Variants in USP28 observed in about 807,000 individuals in gnomAD.
USP28 encodes ubiquitin specific peptidase 28.
Under a neutral mutation model 145.0 loss-of-function variants are expected in USP28, and 113 were observed. That is an observed-to-expected ratio of 0.78 (90% CI 0.67 to 0.91). USP28 has a LOEUF of 0.91. Among genes scored for constraint, USP28 ranks in the 40% least tolerant of loss-of-function variants. The pLI is 0.00. For synonymous variants in USP28, 447 were observed against 450.9 expected (o/e 0.99, Z 0.11); for missense variants, 1,201 against 1,289.6 (o/e 0.93, Z 1.05).
At position 113,851,217 on chromosome 11, in the gene USP28, G is replaced by C. The variant is rs1300851389; in HGVS notation, c.268+1284C>G. On this transcript the variant is annotated intron_variant, in intron 3 of 24. Coordinates refer to ENST00000003302, the Ensembl canonical transcript of USP28. ...GTCACTACCTCCTCCCCCACATTCT[G>C]TTCTCAACACCACAGTCAGAGTGAT... 2.0e-5 allele frequency among the ~76,000 whole-genome samples: 3 copies of C among 152,060 alleles called. No homozygotes were observed. The East Asian group carries it at 5.8e-4, about 29-fold the overall frequency.
At chr11:113,827,335 A>G in exon 11 of USP28, 1 of 1,606,214 alleles carries the variant, frequency 6.2e-7, no homozygotes, top group South Asian at 1.1e-5. Context: ...AAAGGTCAAC[A>G]CTGGAGGTAG....
chr11:113,823,028 G>A (rs1343039507), intron 12 of USP28, among the ~76,000 whole-genome samples: 2 of 152,106 alleles, frequency 1.3e-5, no homozygotes, highest in Admixed American at 6.5e-5. Flanking sequence ...CAAAATCAAC[G>A]GGATCTATCT....
At position 113,827,219 on chromosome 11, in the gene USP28, A is replaced by G; in HGVS notation, c.1187+14T>C. 2 of 1,584,906 alleles carry G rather than the reference A, an allele frequency of 1.3e-6. No homozygotes were observed. Among genetic ancestry groups the G allele is most frequent in the Non-Finnish European group, 1.7e-6 (2 of 1,171,878 alleles). ...TAATACCTCAGGAAAAAAAAAAATC[A>G]GCCAAGAACTCACCTGTCCATATAA... On this transcript the variant is annotated intron_variant, in intron 11 of 24. Transcript: ENST00000003302.
chr11:113,807,914 G>GACA, intron 18 of USP28, 37 bp downstream of exon 19: 1 of 999,240 alleles, frequency 1.0e-6, no homozygotes, highest in Non-Finnish European at 1.2e-6. Flanking sequence ...ATATAAGACT[G>GACA]ACAACAAACA....
At chr11:113,863,617 C>T (rs1047944237) in intron 1 of USP28, among the ~76,000 whole-genome samples, 2 of 143,964 alleles carry the variant, frequency 1.4e-5, no homozygotes, top group African/African-American at 5.2e-5. Flanking sequence ...TGCGCTCCAG[C>T]CTGGCAACAG....
At chr11:113,808,975 A>C in intron 17 of USP28, 88 bp downstream of exon 17, 3 of 1,283,910 alleles carry the variant, frequency 2.3e-6, no homozygotes, top group Non-Finnish European at 3.2e-6. Flanking sequence ...CTGTGGCATC[A>C]CCTAGCCAGC....
intron 14 of USP28, 71 bp from the exon 15 acceptor site, chr11:113,814,026 T>A: frequency 1.7e-6 from 2 of 1,153,190 alleles, no homozygotes; most frequent in Non-Finnish European, 2.5e-6. Flanking sequence ...CTACTTTAAC[T>A]AAGCAAAGAA....
chr11:113,855,960 G>A (rs550568316), intron 1 of USP28, among the ~76,000 whole-genome samples: 1 of 152,230 alleles, frequency 6.6e-6, no homozygotes, highest in Non-Finnish European at 1.5e-5. Flanking sequence ...CAGTCGTTCT[G>A]CTGTAGTCAG....
At chr11:113,849,919 ATGCTTTCAG>A (rs1217113657) in intron 3 of USP28, among the ~76,000 whole-genome samples, 2 of 152,170 alleles carry the variant, frequency 1.3e-5, no homozygotes, top group African/African-American at 4.8e-5. Context: ...GACCATGCAA[ATGCTTTCAG>A]TGCTAAAGAA....
At chr11:113,844,203 G>A (rs1212773384) in intron 3 of USP28, among the ~76,000 whole-genome samples, 1 of 152,122 alleles carries the variant, frequency 6.6e-6, no homozygotes, top group Admixed American at 6.5e-5. Context: ...CACTTTGGGA[G>A]GCCCAGACGG....
intron 1 of USP28, among the ~76,000 whole-genome samples, chr11:113,864,811 T>C (rs1031064447): frequency 9.2e-5 from 14 of 152,186 alleles, no homozygotes; most frequent in Non-Finnish European, 1.8e-4. Flanking sequence ...TCTGCATACA[T>C]ACCTCATGGC....
At chr11:113,808,127 C>A (rs1291693890) in intron 18 of USP28, 2 of 1,505,606 alleles carry the variant, frequency 1.3e-6, no homozygotes, top group Non-Finnish European at 8.8e-7. Context: ...TTGGGTTCAG[C>A]TTCTTTAAGC....
At chr11:113,818,531 TTTTC>T (rs1942108983) in intron 12 of USP28, among the ~76,000 whole-genome samples, 1 of 152,186 alleles carries the variant, frequency 6.6e-6, no homozygotes, top group Non-Finnish European at 1.5e-5. Flanking sequence ...CAAGAGATTT[TTTTC>T]TTTAAGAAAC....
In USP28 at chr11:113,830,956, A is replaced by G; in HGVS notation, c.834-13T>C. The G allele has an allele frequency of 6.2e-7, 1 of 1,613,782 alleles. No individual in the cohort carries two copies. The highest frequency in any genetic ancestry group is 8.5e-7 in the Non-Finnish European group (1 of 1,179,692). On this transcript the variant is annotated splice_polypyrimidine_tract_variant and intron_variant, in intron 8 of 24. Transcript: ENST00000003302. ...GTTCCTGGGACTGCTGCTTTTAGGAAAAGGAGACAATTCTGGATTGTTTGG... is the reference window on the plus strand; with the variant it reads ...GTTCCTGGGACTGCTGCTTTTAGGAGAAGGAGACAATTCTGGATTGTTTGG...
chr11:113,823,673 A>T (rs139709699), exon 12 of USP28: 2 of 1,612,070 alleles, frequency 1.2e-6, no homozygotes, highest in African/African-American at 2.7e-5. Context: ...TCTTATTTCG[A>T]ATAAGCTCCT....
chr11:113,803,754 A>G, intron 22 of USP28, 44 bp downstream of exon 23: 1 of 1,531,276 alleles, frequency 6.5e-7, no homozygotes, highest in Non-Finnish European at 9.0e-7. Flanking sequence ...TACAGAGAAC[A>G]GCATCCTGAC....
intron 14 of USP28, among the ~76,000 whole-genome samples, 189 bp downstream of exon 14, chr11:113,814,985 G>A (rs1300593031): frequency 1.3e-5 from 2 of 152,038 alleles, no homozygotes; most frequent in Non-Finnish European, 2.9e-5. Context: ...CCGGAAGGCG[G>A]AGGTTTCAGT....
At chr11:113,839,586 A>G (rs916248561) in intron 5 of USP28, among the ~76,000 whole-genome samples, 1 of 151,902 alleles carries the variant, frequency 6.6e-6, no homozygotes, top group Non-Finnish European at 1.5e-5. Flanking sequence ...ATAAAAATAA[A>G]TTTTAAAAAT....
At chr11:113,862,866 T>C (rs1232062279) in intron 1 of USP28, among the ~76,000 whole-genome samples, 10 of 151,924 alleles carry the variant, frequency 6.6e-5, no homozygotes, top group Non-Finnish European at 5.9e-5. Context: ...ATCAGAAAAC[T>C]AGGAATAAAA....
Sources: allele counts gnomAD v4.1 joint callset (sites outside exome capture counted in the v4.1 genomes callset), GRCh38; gene constraint gnomAD v4.1.1; transcripts MANE v1.5; gene names NCBI Gene and HGNC (gene_info 2026-07-23, HGNC 2026-07-21).